KIF26B: variants seen among roughly 807,000 people sequenced by gnomAD.
The protein encoded by KIF26B is kinesin family member 26B.
In KIF26B, 63 loss-of-function variants were observed where a neutral mutation model predicts 151.2. The observed-to-expected ratio is 0.42, with a 90% confidence interval of 0.34 to 0.51. KIF26B has a LOEUF of 0.51. Ranked by LOEUF, KIF26B falls within the 20% of genes least tolerant of loss-of-function variation. The pLI is 0.07. For missense variants in KIF26B, 2,813 were observed against 2,913.6 expected (o/e 0.97, Z 0.79); for synonymous variants, 1,357 against 1,262.1 (o/e 1.08, Z -1.59).
chr1:245,656,414 C>A (rs1435548143), intron 10 of KIF26B, among the ~76,000 whole-genome samples: 1 of 152,206 alleles, frequency 6.6e-6, no homozygotes, highest in Non-Finnish European at 1.5e-5. Flanking sequence ...TAGAGATGAT[C>A]CAACACAAAT....
chr1:245,644,717 C>T (rs1241949407), intron 9 of KIF26B, among the ~76,000 whole-genome samples: 1 of 152,200 alleles, frequency 6.6e-6, no homozygotes, highest in Non-Finnish European at 1.5e-5. Flanking sequence ...GGAAGTGGCA[C>T]TATTCCTGGC....
At chr1:245,506,206 T>C (rs555418991) in intron 4 of KIF26B, among the ~76,000 whole-genome samples, 1 of 152,328 alleles carries the variant, frequency 6.6e-6, no homozygotes, top group African/African-American at 2.4e-5. Flanking sequence ...TAATTTCTTA[T>C]GTCCCCTCAG....
chr1:245,497,048 G>C (rs915621128), intron 4 of KIF26B, among the ~76,000 whole-genome samples: 1 of 151,780 alleles, frequency 6.6e-6, no homozygotes, highest in Non-Finnish European at 1.5e-5. Flanking sequence ...AACTACTCGG[G>C]AGGTTGAGGC....
chr1:245,663,398 T>C (rs2044179332), intron 10 of KIF26B, among the ~76,000 whole-genome samples: 1 of 152,166 alleles, frequency 6.6e-6, no homozygotes. Flanking sequence ...TCATTTTTTT[T>C]TGTTTATTTC....
intron 6 of KIF26B, among the ~76,000 whole-genome samples, chr1:245,603,190 C>T (rs1262170497): frequency 6.6e-6 from 1 of 152,050 alleles, no homozygotes; most frequent in East Asian, 1.9e-4. Context: ...TAGGCCATCT[C>T]CTAGGCCCTG....
intron 12 of KIF26B, among the ~76,000 whole-genome samples, chr1:245,690,829 C>T (rs2044615506): frequency 6.6e-6 from 1 of 152,126 alleles, no homozygotes; most frequent in African/African-American, 2.4e-5. Flanking sequence ...GAGCAGAACC[C>T]CATTTAAGAC....
chr1:245,378,179 AT>A (rs1040266587), intron 3 of KIF26B, among the ~76,000 whole-genome samples: 1 of 152,042 alleles, frequency 6.6e-6, no homozygotes, highest in Non-Finnish European at 1.5e-5. Context: ...TTTGGTCTGT[AT>A]TTTTTGTTTT....
intron 2 of KIF26B, among the ~76,000 whole-genome samples, chr1:245,162,631 G>A (rs188206659): frequency 1.2e-3 from 184 of 152,200 alleles, no homozygotes; most frequent in African/African-American, 1.5e-3. Flanking sequence ...TGATCCACCC[G>A]CCTTGGCCTC....
intron 4 of KIF26B, among the ~76,000 whole-genome samples, chr1:245,490,866 A>G (rs1162386889): frequency 6.6e-6 from 1 of 152,222 alleles, no homozygotes; most frequent in Admixed American, 6.5e-5. Context: ...CTGTCTATCA[A>G]GAATCCCAGG....
At position 245,563,194 on chromosome 1, in the gene KIF26B, G is replaced by T. The variant is rs1558216250; in HGVS notation, c.1350+22244G>T. 6.6e-6 allele frequency among the ~76,000 whole-genome samples: 1 copy of T among 152,192 alleles called. No homozygotes were observed. Among genetic ancestry groups the T allele is most frequent in the Admixed American group, 6.5e-5 (1 of 15,276 alleles). ...TGCTTTGCGTTAAATGCCAGTCAGT[G>T]TCTCTTCCCAAAGACCCCCACTGAA... On this transcript the variant is annotated intron_variant, in intron 5 of 14. Transcript: ENST00000407071. The surrounding 1 kb of genome is among the most constrained non-coding windows in gnomAD (Gnocchi z 4.6).
At chr1:245,458,616 T>A (rs545166902) in intron 4 of KIF26B, among the ~76,000 whole-genome samples, 2 of 152,336 alleles carry the variant, frequency 1.3e-5, no homozygotes, top group East Asian at 3.9e-4. Context: ...AATAGAAAGG[T>A]CAAATAAAAT....
intron 4 of KIF26B, among the ~76,000 whole-genome samples, chr1:245,423,278 A>G (rs1258305200): frequency 1.3e-5 from 2 of 152,110 alleles, no homozygotes; most frequent in African/African-American, 2.4e-5. Context: ...AACCCCCTTC[A>G]TCTTCACAGT....
intron 2 of KIF26B, among the ~76,000 whole-genome samples, chr1:245,260,632 T>G (rs952437876): frequency 5.3e-5 from 8 of 152,224 alleles, no homozygotes; most frequent in Non-Finnish European, 1.0e-4. Context: ...TGGTGGAATT[T>G]CCTTCCTTTG....
At chr1:245,281,978 A>G (rs1345331104) in intron 2 of KIF26B, among the ~76,000 whole-genome samples, 1 of 152,068 alleles carries the variant, frequency 6.6e-6, no homozygotes, top group Non-Finnish European at 1.5e-5. Context: ...CTGTTTTGGT[A>G]CCAGTACCAT....
chr1:245,301,266 G>C (rs926700548), intron 2 of KIF26B, among the ~76,000 whole-genome samples: 1 of 152,250 alleles, frequency 6.6e-6, no homozygotes, highest in Non-Finnish European at 1.5e-5. Flanking sequence ...TGGCCAGGCT[G>C]CTCTGGGTTA....
intron 2 of KIF26B, among the ~76,000 whole-genome samples, chr1:245,286,024 A>G (rs1029363403): frequency 6.6e-5 from 10 of 151,620 alleles, no homozygotes; most frequent in East Asian, 1.9e-4. Context: ...AAGGAAAAGA[A>G]AAAAGAAAAG....
intron 3 of KIF26B, among the ~76,000 whole-genome samples, chr1:245,384,572 C>T (rs539789710): frequency 5.3e-5 from 8 of 152,300 alleles, no homozygotes; most frequent in South Asian, 2.1e-4. Context: ...AAGCATGAAC[C>T]GCCATGCCTG....
intron 2 of KIF26B, among the ~76,000 whole-genome samples, chr1:245,182,915 C>T (rs1020535925): frequency 6.6e-6 from 1 of 152,216 alleles, no homozygotes; most frequent in African/African-American, 2.4e-5. Context: ...GGATTATAGG[C>T]GTGAGCCACC....
intron 2 of KIF26B, among the ~76,000 whole-genome samples, chr1:245,296,553 C>T (rs959354543): frequency 6.6e-6 from 1 of 152,210 alleles, no homozygotes; most frequent in South Asian, 2.1e-4. Flanking sequence ...GGACGTGCAG[C>T]CAAAGGACCA....
Sources: allele counts gnomAD v4.1 joint callset (sites outside exome capture counted in the v4.1 genomes callset), GRCh38; gene constraint gnomAD v4.1.1; non-coding constraint Gnocchi (gnomAD v3.1); transcripts MANE v1.5; gene names NCBI Gene and HGNC (gene_info 2026-07-23, HGNC 2026-07-21).